RXRG: variants seen among roughly 807,000 people sequenced by gnomAD.
RXRG encodes retinoic acid receptor RXR-gamma.
In RXRG, 19 loss-of-function variants were observed where a neutral mutation model predicts 49.2. That is an observed-to-expected ratio of 0.39 (90% CI 0.27 to 0.57). The LOEUF (loss-of-function observed/expected upper bound fraction) is 0.57, where lower values mean the gene tolerates loss of function less well. Among genes scored for constraint, RXRG ranks in the 20% least tolerant of loss-of-function variants. The pLI is 0.64. For missense variants in RXRG, 452 were observed against 592.5 expected (o/e 0.76, Z 2.46); for synonymous variants, 224 against 216.6 (o/e 1.03, Z -0.30).
chr1:165,426,505 T>A (rs867890774), intron 2 of RXRG, among the ~76,000 whole-genome samples: 16 of 152,178 alleles, frequency 1.1e-4, no homozygotes, highest in Admixed American at 6.5e-5. Context: ...GAGCAATACA[T>A]TTTTGAAGTC....
chr1:165,441,094 C>T (rs1356148940), intron 1 of RXRG, among the ~76,000 whole-genome samples: 1 of 152,196 alleles, frequency 6.6e-6, no homozygotes, highest in Non-Finnish European at 1.5e-5. Context: ...ACAAGCAGGT[C>T]CAACTCAACC....
intron 6 of RXRG, among the ~76,000 whole-genome samples, chr1:165,409,987 A>T (rs768493471): frequency 1.3e-5 from 2 of 151,998 alleles, no homozygotes; most frequent in African/African-American, 4.8e-5. Flanking sequence ...TGGGTTGAAC[A>T]TTTAGCGGAT....
intron 8 of RXRG, 70 bp downstream of exon 8, chr1:165,408,157 T>C (rs568677342): frequency 8.6e-7 from 1 of 1,161,670 alleles, no homozygotes; most frequent in African/African-American, 1.5e-5. Flanking sequence ...ACCAATAACA[T>C]GGGAGCACTG....
intron 2 of RXRG, among the ~76,000 whole-genome samples, chr1:165,427,683 C>T (rs1260485264): frequency 6.6e-6 from 1 of 152,176 alleles, no homozygotes; most frequent in Non-Finnish European, 1.5e-5. Context: ...ATCTCATGAT[C>T]CACCCACTTC....
chr1:165,444,257 G>A lies in RXRG; in HGVS notation c.49+588C>T, dbSNP rs576029454. On this transcript the variant is annotated intron_variant, in intron 1 of 9. Coordinates refer to ENST00000359842, the MANE Select transcript of RXRG (RefSeq NM_006917.5). ...AATTGGGGGCAGCAGCAGGGGAGGA[G>A]AGAAGAGGCTATTAGCAAATCAAAG... Among the ~76,000 whole-genome samples, 15 of 152,310 alleles carry A rather than the reference G, an allele frequency of 9.8e-5. No homozygotes were observed. In the South Asian group the frequency reaches 3.1e-3, roughly 32 times the overall value.
At position 165,411,530 on chromosome 1, in the gene RXRG, C is replaced by T. The variant is rs1657947302; in HGVS notation, c.623-421G>A. On this transcript the variant is annotated intron_variant, in intron 4 of 9. Coordinates refer to ENST00000359842, the MANE Select transcript of RXRG (RefSeq NM_006917.5). ...ACTTTAAAAACTCCCTCTGTCAGAT[C>T]CTATGCATCATCCTTGGCATTCACG... 2.0e-5 allele frequency among the ~76,000 whole-genome samples: 3 copies of T among 152,168 alleles called. No individual in the cohort carries two copies. In the South Asian group the frequency reaches 6.2e-4, roughly 32 times the overall value.
intron 9 of RXRG, among the ~76,000 whole-genome samples, chr1:165,402,958 C>T (rs1419886108): frequency 6.6e-6 from 1 of 152,070 alleles, no homozygotes; most frequent in African/African-American, 2.4e-5. Flanking sequence ...CACGTGCATG[C>T]ATGCACTCAC....
chr1:165,402,220 G>A (rs1018707478), intron 9 of RXRG, among the ~76,000 whole-genome samples: 3 of 152,032 alleles, frequency 2.0e-5, no homozygotes, highest in Admixed American at 6.6e-5. Context: ...AAGTAGCTGC[G>A]AATACAGGCT....
At chr1:165,437,198 C>T in intron 1 of RXRG, 3 of 1,367,674 alleles carry the variant, frequency 2.2e-6, no homozygotes, top group South Asian at 1.1e-5. Flanking sequence ...AGGGGAAGAA[C>T]ACCCTAGACC....
intron 2 of RXRG, among the ~76,000 whole-genome samples, chr1:165,421,670 G>A (rs1415240765): frequency 4.0e-5 from 6 of 151,882 alleles, no homozygotes; most frequent in Non-Finnish European, 5.9e-5. Context: ...GCTGGGATTA[G>A]AGGAGCATGC....
intron 3 of RXRG, among the ~76,000 whole-genome samples, chr1:165,418,110 CAAAAAAAAAAAAAAA>C (rs57782668): frequency 1.4e-5 from 1 of 73,856 alleles, no homozygotes; most frequent in East Asian, 4.8e-4. Context: ...GATCCCGTCT[CAAAAAAAAAAAAAAA>C]AAAAAAAAAA....
At chr1:165,436,462 A>G (rs1488415088) in intron 1 of RXRG, among the ~76,000 whole-genome samples, 1 of 152,222 alleles carries the variant, frequency 6.6e-6, no homozygotes, top group East Asian at 1.9e-4. Flanking sequence ...TTTATAGAAA[A>G]TCTGGAGACT....
chr1:165,443,122 C>G (rs1659056459), intron 1 of RXRG, among the ~76,000 whole-genome samples: 1 of 152,112 alleles, frequency 6.6e-6, no homozygotes, highest in African/African-American at 2.4e-5. Flanking sequence ...TTCCAAGATT[C>G]CAGCCCCCAT....
chr1:165,402,321 G>A (rs1657605238), intron 9 of RXRG, among the ~76,000 whole-genome samples: 1 of 151,944 alleles, frequency 6.6e-6, no homozygotes, highest in South Asian at 2.1e-4. Flanking sequence ...CCTGACCTCA[G>A]GTGATCCACC....
chr1:165,407,704 T>C (rs1397106697), intron 8 of RXRG, among the ~76,000 whole-genome samples: 4 of 152,206 alleles, frequency 2.6e-5, no homozygotes, highest in Non-Finnish European at 4.4e-5. Flanking sequence ...CAGCCACTCT[T>C]GGATATCTAC....
chr1:165,424,674 A>G (rs1431833914), intron 2 of RXRG: 1 of 516,580 alleles, frequency 1.9e-6, no homozygotes, highest in Non-Finnish European at 2.5e-6. Context: ...ATGACAGAGC[A>G]CAGAGGAGAC....
chr1:165,421,353 C>T (rs1032136641), intron 2 of RXRG, among the ~76,000 whole-genome samples: 3 of 152,174 alleles, frequency 2.0e-5, no homozygotes, highest in South Asian at 4.2e-4. Flanking sequence ...AGCACCACCC[C>T]TTTTTTTATA....
At chr1:165,433,299 T>A (rs2101740447) in intron 1 of RXRG, among the ~76,000 whole-genome samples, 1 of 152,252 alleles carries the variant, frequency 6.6e-6, no homozygotes, top group South Asian at 2.1e-4. Context: ...AATTACCTAG[T>A]CTGAGGTATT....
chr1:165,405,922 G>T (rs1049515253), intron 9 of RXRG, among the ~76,000 whole-genome samples: 1 of 152,194 alleles, frequency 6.6e-6, no homozygotes, highest in African/African-American at 2.4e-5. Flanking sequence ...AGGATAAACA[G>T]CTAAGTAGAT....
Sources: gnomAD v4.1 joint callset for allele counts (sites outside exome capture counted in the v4.1 genomes callset) on GRCh38, gnomAD v4.1.1 for gene constraint, MANE v1.5 for transcripts, NCBI Gene and HGNC (gene_info 2026-07-23, HGNC 2026-07-21) for gene names.